CERS6: variants seen among roughly 807,000 people sequenced by gnomAD.
The protein encoded by CERS6 is LAG1 homolog, ceramide synthase 6.
A neutral mutation model predicts 56.8 loss-of-function variants in CERS6; 26 were observed. That is an observed-to-expected ratio of 0.46 (90% CI 0.34 to 0.63). The LOEUF is 0.63. Among genes scored for constraint, CERS6 ranks in the 30% least tolerant of loss-of-function variants. CERS6 has a pLI of 0.01. For synonymous variants in CERS6, 164 were observed against 173.3 expected (o/e 0.95, Z 0.42); for missense variants, 415 against 467.5 (o/e 0.89, Z 1.04).
rs377258993 is a variant in CERS6 at position 168,750,808 on chromosome 2, G to A, written c.846-14784G>A. Among the ~76,000 whole-genome samples the A allele has an allele frequency of 1.1e-4, 17 of 152,222 alleles. 1 individual carries two copies. The highest frequency in any genetic ancestry group is 4.6e-4 in the Admixed American group (7 of 15,284). ...TCATTAGATGTGCACATTTTGACAC[G>A]TATTGTAACATTATCAGCCAAATAG... On this transcript the variant is annotated intron_variant, in intron 8 of 9. Transcript: ENST00000305747.
At chr2:168,666,340 C>T (rs938642285) in intron 4 of CERS6, among the ~76,000 whole-genome samples, 4 of 152,176 alleles carry the variant, frequency 2.6e-5, no homozygotes, top group African/African-American at 9.7e-5. Context: ...CTAGACCTGG[C>T]AACCACTCAT....
rs1454342881 is a variant in CERS6, at chr2:168,631,596, A to T, written c.465+554A>T. On this transcript the variant is annotated intron_variant, in intron 4 of 9. Coordinates refer to ENST00000305747, the MANE Select transcript of CERS6 (RefSeq NM_203463.3). ...TATAATATATATTTAATATTTATAT[A>T]TTAAATATATAATATATTTAATATT... Among the ~76,000 whole-genome samples the T allele has an allele frequency of 2.5e-5, 3 of 118,704 alleles. No homozygotes were observed. In the East Asian group the frequency reaches 6.5e-4, roughly 26 times the overall value. 77.9% of individuals were successfully genotyped at this position (118,704 alleles called of 152,430 possible).
chr2:168,482,782 A>C (rs1381483060), intron 1 of CERS6, among the ~76,000 whole-genome samples: 1 of 152,224 alleles, frequency 6.6e-6, no homozygotes, highest in East Asian at 1.9e-4. Flanking sequence ...TGCAGGATGA[A>C]GGCTGTGTAC....
chr2:168,734,867 G>A (rs1014244847), intron 8 of CERS6, among the ~76,000 whole-genome samples: 2 of 152,274 alleles, frequency 1.3e-5, no homozygotes, highest in East Asian at 1.9e-4. Context: ...TGGGAGTCAA[G>A]CTGCTATTTT....
chr2:168,534,926 T>C (rs1372873150), intron 1 of CERS6, among the ~76,000 whole-genome samples: 1 of 152,222 alleles, frequency 6.6e-6, no homozygotes, highest in Non-Finnish European at 1.5e-5. Context: ...AGCCTCTGGC[T>C]GGAGTTATTG....
chr2:168,637,131 T>G (rs1684877876), intron 4 of CERS6, among the ~76,000 whole-genome samples: 1 of 152,198 alleles, frequency 6.6e-6, no homozygotes. Flanking sequence ...CAGAATAATC[T>G]TAAATATCTT....
intron 4 of CERS6, among the ~76,000 whole-genome samples, chr2:168,657,324 G>C (rs1685503754): frequency 1.3e-5 from 2 of 152,274 alleles, no homozygotes; most frequent in South Asian, 4.1e-4. Flanking sequence ...CCCTGAGCTA[G>C]ATATAAAGAC....
chr2:168,630,239 C>T (rs532244213), intron 3 of CERS6, among the ~76,000 whole-genome samples: 11 of 151,876 alleles, frequency 7.2e-5, no homozygotes, highest in South Asian at 6.2e-4. Context: ...TATTCATACT[C>T]GGAAGTACAA....
intron 1 of CERS6, among the ~76,000 whole-genome samples, chr2:168,504,373 CAA>C (rs5836184): frequency 0.048 from 6,761 of 140,072 alleles, 277 homozygotes; most frequent in East Asian, 0.19. Flanking sequence ...CCCATTTAAA[CAA>C]AAAAAAAAAG....
intron 4 of CERS6, among the ~76,000 whole-genome samples, chr2:168,675,572 C>T (rs562044023): frequency 6.6e-6 from 1 of 152,018 alleles, no homozygotes; most frequent in East Asian, 2.0e-4. Flanking sequence ...GGTGACAGAG[C>T]GAGACCCTGT....
intron 4 of CERS6, among the ~76,000 whole-genome samples, chr2:168,688,215 C>T (rs1686404770): frequency 6.6e-6 from 1 of 151,994 alleles, no homozygotes. Flanking sequence ...CTAAATATTT[C>T]ATCTTTTTAA....
chr2:168,619,026 A>G (rs1684394885), intron 3 of CERS6, among the ~76,000 whole-genome samples: 1 of 152,236 alleles, frequency 6.6e-6, no homozygotes, highest in Non-Finnish European at 1.5e-5. Context: ...ACATAGACCA[A>G]TGGAACAGAA....
intron 4 of CERS6, among the ~76,000 whole-genome samples, chr2:168,668,147 C>G (rs1685812128): frequency 6.6e-6 from 1 of 152,160 alleles, no homozygotes; most frequent in Admixed American, 6.5e-5. Flanking sequence ...ACCTGGATTA[C>G]CAGCCTCTTT....
intron 4 of CERS6, among the ~76,000 whole-genome samples, chr2:168,675,628 C>A (rs1428905330): frequency 2.0e-5 from 3 of 151,794 alleles, no homozygotes; most frequent in African/African-American, 4.8e-5. Flanking sequence ...ACAACAACAA[C>A]AAAATAATAA....
At chr2:168,743,995 C>CTTTTTTTTTTTTTTTT (rs58256507) in intron 8 of CERS6, among the ~76,000 whole-genome samples, 82 of 63,376 alleles carry the variant, frequency 1.3e-3, no homozygotes, top group African/African-American at 1.4e-3. Flanking sequence ...TCTTTTTTTT[C>CTTTTTTTTTTTTTTTT]TTTTTTTTTT....
chr2:168,713,256 C>T lies in CERS6; in HGVS notation c.610-1745C>T, dbSNP rs568405359. Among the ~76,000 whole-genome samples, 22 of 152,248 alleles carry T rather than the reference C, an allele frequency of 1.4e-4. 1 individual carries two copies. The South Asian group carries it at 1.5e-3, about 10-fold the overall frequency. On this transcript the variant is annotated intron_variant, in intron 6 of 9. Coordinates refer to ENST00000305747, the MANE Select transcript of CERS6 (RefSeq NM_203463.3). ...TACATGTTGTGCTTTTTCATAATCA[C>T]GATGTGCTCATACGTCAGTTTTCGG... is the stretch of plus-strand genomic sequence containing the variant.
intron 8 of CERS6, among the ~76,000 whole-genome samples, chr2:168,739,719 A>G (rs1328839754): frequency 6.6e-6 from 1 of 151,648 alleles, no homozygotes; most frequent in Non-Finnish European, 1.5e-5. Context: ...AACTGACTCC[A>G]CTGCCTTCTG....
intron 8 of CERS6, among the ~76,000 whole-genome samples, chr2:168,765,206 C>T (rs60715500): frequency 0.092 from 14,006 of 151,842 alleles, 716 homozygotes; most frequent in African/African-American, 0.13. Flanking sequence ...GAATGGGTGC[C>T]GAATCTTGGT....
chr2:168,464,237 G>C (rs1693830742), intron 1 of CERS6, among the ~76,000 whole-genome samples: 1 of 147,584 alleles, frequency 6.8e-6, no homozygotes, highest in East Asian at 2.0e-4. Context: ...CTGTTCCCCA[G>C]GCTGGAGTGC....
Sources: allele counts gnomAD v4.1 joint callset (sites outside exome capture counted in the v4.1 genomes callset), GRCh38; gene constraint gnomAD v4.1.1; transcripts MANE v1.5; gene names NCBI Gene and HGNC (gene_info 2026-07-23, HGNC 2026-07-21).